Variants in ITGA9 observed in about 807,000 individuals in gnomAD.
ITGA9 encodes the protein integrin alpha-9.
In ITGA9, 56 loss-of-function variants were observed where a neutral mutation model predicts 127.8. That is an observed-to-expected ratio of 0.44 (90% CI 0.35 to 0.55). The LOEUF is 0.55. Among genes scored for constraint, ITGA9 ranks in the 20% least tolerant of loss-of-function variants. ITGA9 has a pLI of 0.00. For missense variants in ITGA9, 1,196 were observed against 1,347.1 expected (o/e 0.89, Z 1.76); for synonymous variants, 508 against 514.5 (o/e 0.99, Z 0.17).
intron 22 of ITGA9, among the ~76,000 whole-genome samples, chr3:37,744,494 T>C (rs1031210201): frequency 4.6e-5 from 7 of 152,212 alleles, no homozygotes; most frequent in Non-Finnish European, 8.8e-5. Flanking sequence ...GGCAGTTTTA[T>C]AAGAACAGAG....
intron 15 of ITGA9, among the ~76,000 whole-genome samples, chr3:37,581,215 A>G (rs1699706497): frequency 6.6e-6 from 1 of 152,224 alleles, no homozygotes; most frequent in Non-Finnish European, 1.5e-5. Flanking sequence ...CTAGGAGGCA[A>G]GAACAGTGGA....
At chr3:37,645,216 G>A (rs1365419869) in intron 16 of ITGA9, among the ~76,000 whole-genome samples, 1 of 152,176 alleles carries the variant, frequency 6.6e-6, no homozygotes, top group Non-Finnish European at 1.5e-5. Context: ...CTGTCATCCA[G>A]ACAGGATGCT....
chr3:37,649,086 A>T lies in ITGA9; in HGVS notation c.1840-4628A>T, dbSNP rs540114319. Among the ~76,000 whole-genome samples, 9 of 151,314 alleles carry T rather than the reference A, an allele frequency of 5.9e-5. No homozygotes were observed. In the East Asian group the frequency reaches 7.7e-4, roughly 13 times the overall value. Reference sequence around the variant, plus strand: ...AATACCTATGGAAGTTATATATATAAAAAAAGAAAGGAATCAAAACCTATC... The same window carrying T: ...AATACCTATGGAAGTTATATATATATAAAAAGAAAGGAATCAAAACCTATC... On this transcript the variant is annotated intron_variant, in intron 16 of 27. Transcript: ENST00000264741.
chr3:37,741,025 C>G (rs1220540913), intron 20 of ITGA9, among the ~76,000 whole-genome samples: 1 of 152,182 alleles, frequency 6.6e-6, no homozygotes, highest in East Asian at 1.9e-4. Flanking sequence ...TGAGACATAG[C>G]TGCTGAAGTC....
At chr3:37,712,733 A>G (rs1469001424) in intron 18 of ITGA9, among the ~76,000 whole-genome samples, 4 of 151,962 alleles carry the variant, frequency 2.6e-5, no homozygotes, top group Non-Finnish European at 4.4e-5. Flanking sequence ...AAATAATCTC[A>G]TTTCCTAAAA....
chr3:37,697,346 ATT>A (rs1193010819), intron 18 of ITGA9, among the ~76,000 whole-genome samples: 5 of 121,986 alleles, frequency 4.1e-5, no homozygotes, highest in Non-Finnish European at 9.1e-5. Context: ...TATTATTATT[ATT>A]ATTATACTTT....
At chr3:37,552,295 T>A (rs2125595286) in intron 15 of ITGA9, among the ~76,000 whole-genome samples, 1 of 152,216 alleles carries the variant, frequency 6.6e-6, no homozygotes, top group Middle Eastern at 3.4e-3. Context: ...TGACCCCTTG[T>A]AAAGAAAGGA....
intron 24 of ITGA9, among the ~76,000 whole-genome samples, chr3:37,778,792 C>A (rs920896142): frequency 6.6e-6 from 1 of 151,542 alleles, no homozygotes; most frequent in African/African-American, 2.4e-5. Flanking sequence ...TCAGCCCTGG[C>A]ACATCTCACC....
intron 23 of ITGA9, among the ~76,000 whole-genome samples, chr3:37,755,233 A>T (rs1195505919): frequency 3.3e-5 from 5 of 152,192 alleles, no homozygotes; most frequent in African/African-American, 1.2e-4. Flanking sequence ...TAAAAAGTAG[A>T]GCTGGGTTTG....
chr3:37,624,629 A>AC (rs1200245752), intron 15 of ITGA9, among the ~76,000 whole-genome samples: 1 of 152,030 alleles, frequency 6.6e-6, no homozygotes, highest in African/African-American at 2.4e-5. Context: ...TATTTTTGAG[A>AC]CAGAGTCTTG....
At chr3:37,782,797 G>A (rs746711523) in intron 25 of ITGA9, among the ~76,000 whole-genome samples, 6 of 152,188 alleles carry the variant, frequency 3.9e-5, no homozygotes, top group Non-Finnish European at 7.4e-5. Flanking sequence ...AGGTTTTACT[G>A]TTTTGACCTT....
intron 26 of ITGA9, among the ~76,000 whole-genome samples, chr3:37,791,591 C>T (rs567887335): frequency 9.2e-5 from 14 of 152,170 alleles, no homozygotes; most frequent in African/African-American, 1.2e-4. Context: ...CTCTCTACCT[C>T]GTGCTCTGGA....
At chr3:37,636,574 C>G (rs1477407361) in intron 16 of ITGA9, among the ~76,000 whole-genome samples, 1 of 152,094 alleles carries the variant, frequency 6.6e-6, no homozygotes, top group Non-Finnish European at 1.5e-5. Context: ...TTCTCCCATT[C>G]TGTAGGTTGC....
chr3:37,696,913 G>A lies in ITGA9; in HGVS notation c.2067+12898G>A, dbSNP rs144050292. ...TGTTAGAAATGCAGAATCTCAGGCC[G>A]CAGCCCTCCGGGGTCAGGATATGCA... On this transcript the variant is annotated intron_variant, in intron 18 of 27. Transcript: ENST00000264741. Among the ~76,000 whole-genome samples, 326 of 152,276 alleles carry A rather than the reference G, an allele frequency of 2.1e-3. 1 individual carries two copies. Among genetic ancestry groups the A allele is most frequent in the African/African-American group, 7.5e-3 (312 of 41,552 alleles).
chr3:37,469,450 A>G lies in ITGA9; in HGVS notation c.186-1557A>G, dbSNP rs190898421. The stretch of plus-strand genomic sequence containing the variant: ...GAGAAATAGCGTTTCTAAATTTTCT[A>G]TTTGTTACTGAAATGTAACACATCC... On this transcript the variant is annotated intron_variant, in intron 1 of 27. Coordinates refer to ENST00000264741, the MANE Select transcript of ITGA9 (RefSeq NM_002207.3). 2.9e-3 allele frequency among the ~76,000 whole-genome samples: 442 copies of G among 152,262 alleles called. 1 individual carries two copies. Among genetic ancestry groups the G allele is most frequent in the Middle Eastern group, 0.01 (3 of 294 alleles).
chr3:37,455,942 A>G (rs1698251821), intron 1 of ITGA9, among the ~76,000 whole-genome samples: 1 of 152,142 alleles, frequency 6.6e-6, no homozygotes, highest in South Asian at 2.1e-4. Context: ...GCACTTCTCT[A>G]ATCCCATAAC....
chr3:37,691,727 T>C (rs1292479759), intron 18 of ITGA9, among the ~76,000 whole-genome samples: 2 of 152,160 alleles, frequency 1.3e-5, no homozygotes, highest in African/African-American at 2.4e-5. Context: ...CTGTGTTTCA[T>C]GTTCTCCCCT....
chr3:37,593,931 A>G (rs1468517785), intron 15 of ITGA9, among the ~76,000 whole-genome samples: 1 of 89,154 alleles, frequency 1.1e-5, no homozygotes, highest in African/African-American at 4.1e-5. Context: ...GAAGGGCTCG[A>G]AACTGGCATG....
chr3:37,687,826 A>G (rs1043950508), intron 18 of ITGA9, among the ~76,000 whole-genome samples: 1 of 152,240 alleles, frequency 6.6e-6, no homozygotes, highest in East Asian at 1.9e-4. Context: ...ATACCCTGAT[A>G]CAATGATACA....
Sources: gnomAD v4.1 joint callset for allele counts (sites outside exome capture counted in the v4.1 genomes callset) on GRCh38, gnomAD v4.1.1 for gene constraint, MANE v1.5 for transcripts, NCBI Gene and HGNC (gene_info 2026-07-23, HGNC 2026-07-21) for gene names.